ATR: variants seen among roughly 807,000 people sequenced by gnomAD.
ATR encodes ATR checkpoint kinase.
A neutral mutation model predicts 305.3 loss-of-function variants in ATR; 142 were observed. The ratio of observed to expected loss-of-function variants is 0.47; its 90% CI spans 0.41 to 0.53. The LOEUF is 0.53. ATR is among the 20% of genes least tolerant of loss of function. The pLI is 0.00. For synonymous variants in ATR, 1,050 were observed against 1,068.1 expected, an observed-to-expected ratio of 0.98 and a Z score of 0.33; for missense variants, 2,135 against 3,133.1, an observed-to-expected ratio of 0.68 and a Z score of 7.60.
intron 46 of ATR, chr3:142,451,286 C>T (rs1473137617): frequency 8.1e-7 from 1 of 1,229,254 alleles, no homozygotes; most frequent in Non-Finnish European, 1.0e-6. Context: ...CAAACAGGGC[C>T]AAGAGTGTGT....
rs1559934813 is a variant in ATR at position 142,493,240 on chromosome 3, T to C, written c.5970A>G (p.Pro1990=). ...GGATTAACATGTTCTTACCCTCAGGTGGGGTTTCATTTTCAGGAAAACATA... is the reference window on the plus strand; with the variant it reads ...GGATTAACATGTTCTTACCCTCAGGCGGGGTTTCATTTTCAGGAAAACATA... The part of the protein sequence containing the change: ...VELCFPENET[P]PEGKNMLIHG... The change falls in exon 35 of 47, where the codon CCA becomes CCG. Residue 1990 remains proline (P), a synonymous_variant. Transcript: ENST00000350721. The C allele has an allele frequency of 1.2e-6, 2 of 1,614,018 alleles. No individual in the cohort carries two copies. Among genetic ancestry groups the C allele is most frequent in the Admixed American group, 1.7e-5 (1 of 60,012 alleles).
At chr3:142,570,554 T>G (rs895229684) in intron 1 of ATR, among the ~76,000 whole-genome samples, 1 of 152,104 alleles carries the variant, frequency 6.6e-6, no homozygotes, top group African/African-American at 2.4e-5. Context: ...GCCTGGCTAA[T>G]TTTGTATATT....
intron 39 of ATR, among the ~76,000 whole-genome samples, chr3:142,467,633 G>T (rs2071161181): frequency 6.6e-6 from 1 of 151,936 alleles, no homozygotes; most frequent in Admixed American, 6.6e-5. Flanking sequence ...TATTTTTATG[G>T]CTTATTTCAT....
intron 38 of ATR, among the ~76,000 whole-genome samples, chr3:142,468,649 C>T (rs554350752): frequency 1.3e-5 from 2 of 152,152 alleles, no homozygotes; most frequent in South Asian, 4.1e-4. Context: ...TATTGACCAA[C>T]ATATGAATTC....
rs1015211585 is a variant in ATR, at chr3:142,465,300, T to C, written c.6898-60A>G. ...AAAAATTTCTGTGTAAATGTCTATA[T>C]ATTATAAACCTTGAGTTATGTAAAA... On this transcript the variant is annotated intron_variant, in intron 40 of 46. Transcript: ENST00000350721. 3.7e-4 allele frequency: 498 copies of C among 1,360,348 alleles called. 2 individuals carry two copies. The highest frequency in any genetic ancestry group is 3.9e-4 in the Non-Finnish European group (379 of 971,018). 84.3% of individuals were successfully genotyped at this position (1,360,348 alleles called of 1,614,324 possible). A position where few individuals can be genotyped will look rare whatever the true frequency, so the allele number is the denominator to read the frequency against.
intron 21 of ATR, among the ~76,000 whole-genome samples, chr3:142,533,907 C>T (rs960952705): frequency 4.6e-5 from 7 of 152,024 alleles, no homozygotes; most frequent in Admixed American, 1.3e-4. Flanking sequence ...ATCCAGGAGG[C>T]AAAGTGAGGC....
intron 5 of ATR, 78 bp downstream of exon 5, chr3:142,561,165 C>T: frequency 6.7e-7 from 1 of 1,493,244 alleles, no homozygotes; most frequent in Non-Finnish European, 9.3e-7. Context: ...AATCAAAGCA[C>T]TTAACTAAAG....
At chr3:142,528,877 A>ATCTTTTTT (rs201313146) in intron 21 of ATR, among the ~76,000 whole-genome samples, 1 of 47,710 alleles carries the variant, frequency 2.1e-5, no homozygotes, top group Non-Finnish European at 3.4e-5. Flanking sequence ...ATATATATAT[A>ATCTTTTTT]TATTTTTTTT....
At chr3:142,547,600 A>C (rs1326651560) in intron 16 of ATR, 125 bp downstream of exon 16, 2 of 1,107,868 alleles carry the variant, frequency 1.8e-6, no homozygotes. Flanking sequence ...AAAAATACCA[A>C]CTTAAAATTT....
chr3:142,470,274 C>T lies in ATR; in HGVS notation c.6222-91G>A, dbSNP rs1038516695. The stretch of plus-strand genomic sequence containing the variant: ...TTTAAAGATTCAAACTACCACATAC[C>T]GTTTTCACAAAAATTATGGTATCAA... On this transcript the variant is annotated intron_variant, in intron 36 of 46. Coordinates refer to ENST00000350721, the MANE Select transcript of ATR (RefSeq NM_001184.4). The T allele has an allele frequency of 2.1e-5, 23 of 1,083,366 alleles. No homozygotes were observed. In the South Asian group the frequency reaches 2.4e-4, roughly 11 times the overall value. The allele number at this position is 1,083,366 out of a possible 1,614,324, so 67.1% of individuals were successfully genotyped here.
At chr3:142,547,985 A>G (rs2108452321) in intron 15 of ATR, 75 bp from the exon 16 acceptor site, 1 of 1,300,948 alleles carries the variant, frequency 7.7e-7, no homozygotes, top group Non-Finnish European at 1.1e-6. Flanking sequence ...TGATTTTAAC[A>G]TGCTATTAGT....
chr3:142,520,297 C>T (rs569894030), intron 23 of ATR, among the ~76,000 whole-genome samples: 1 of 151,972 alleles, frequency 6.6e-6, no homozygotes, highest in East Asian at 1.9e-4. Context: ...AATTAATGAC[C>T]CTACAGTGGC....
chr3:142,562,199 C>T (rs2034907589), intron 4 of ATR, 33 bp downstream of exon 4: 2 of 1,609,924 alleles, frequency 1.2e-6, no homozygotes, highest in Non-Finnish European at 1.7e-6. Flanking sequence ...GAACAAAATA[C>T]ATACTTAACT....
chr3:142,561,657 C>T (rs1347453958), intron 4 of ATR, among the ~76,000 whole-genome samples: 3 of 152,072 alleles, frequency 2.0e-5, no homozygotes, highest in Non-Finnish European at 4.4e-5. Flanking sequence ...TGTTTTTCCT[C>T]TTACCAAAAT....
chr3:142,534,558 A>G (rs928886476), intron 21 of ATR, among the ~76,000 whole-genome samples: 2 of 152,186 alleles, frequency 1.3e-5, no homozygotes, highest in African/African-American at 4.8e-5. Context: ...ATTTATTCAT[A>G]TACAGTGATC....
chr3:142,578,596 G>A (rs763245597), intron 1 of ATR, 50 bp downstream of exon 1: 3 of 1,583,392 alleles, frequency 1.9e-6, no homozygotes, highest in Non-Finnish European at 2.6e-6. Flanking sequence ...TGAAACCCAA[G>A]CCGGAATCAG....
intron 21 of ATR, among the ~76,000 whole-genome samples, chr3:142,528,888 T>A (rs2033524662): frequency 1.9e-5 from 2 of 106,148 alleles, no homozygotes; most frequent in African/African-American, 8.1e-5. Context: ...TATTTTTTTT[T>A]TTTTTTTTTT....
chr3:142,569,542 A>C (rs2035192108), intron 1 of ATR, among the ~76,000 whole-genome samples: 1 of 152,030 alleles, frequency 6.6e-6, no homozygotes, highest in Non-Finnish European at 1.5e-5. Flanking sequence ...GGCTGGTCTC[A>C]ATCTCCTGGG....
At chr3:142,577,260 A>C (rs939180335) in intron 1 of ATR, among the ~76,000 whole-genome samples, 5 of 152,236 alleles carry the variant, frequency 3.3e-5, no homozygotes, top group African/African-American at 9.6e-5. Flanking sequence ...ACTATATATA[A>C]TCCAAGAACC....
Sources: allele counts gnomAD v4.1 joint callset (sites outside exome capture counted in the v4.1 genomes callset), GRCh38; gene constraint gnomAD v4.1.1; transcripts MANE v1.5; gene names NCBI Gene and HGNC (gene_info 2026-07-23, HGNC 2026-07-21).